ST8SIA4: variants seen among roughly 807,000 people sequenced by gnomAD.
The protein encoded by ST8SIA4 is CMP-N-acetylneuraminate-poly-alpha-2,8-sialyltransferase.
ST8SIA4 carries 15 observed loss-of-function variants against 33.9 expected under a neutral mutation model. The ratio of observed to expected loss-of-function variants is 0.44; its 90% confidence interval spans 0.30 to 0.68. The LOEUF (loss-of-function observed/expected upper bound fraction) is 0.68, where lower values mean the gene tolerates loss of function less well. Among genes scored for constraint, ST8SIA4 ranks in the 30% least tolerant of loss-of-function variants. The probability of loss-of-function intolerance (pLI) is 0.10; values close to 1 mark genes in which losing one functional copy is unlikely to be tolerated. For missense variants in ST8SIA4, 321 were observed against 428.0 expected (o/e 0.75, Z 2.21); for synonymous variants, 171 against 151.2 (o/e 1.13, Z -0.96).
At chr5:100,885,333 T>C (rs1046825148) in intron 3 of ST8SIA4, 54 of 954,928 alleles carry the variant, frequency 5.7e-5, no homozygotes, top group Non-Finnish European at 6.7e-5. Flanking sequence ...TTTGCAGTTT[T>C]ATTTGCTATT....
chr5:100,901,869 T>TAC (rs772063023), intron 1 of ST8SIA4, among the ~76,000 whole-genome samples: 2 of 152,142 alleles, frequency 1.3e-5, no homozygotes, highest in African/African-American at 4.8e-5. Context: ...CACACACACA[T>TAC]ACACACACAC....
rs1057375174 is a variant in ST8SIA4 at position 100,810,948 on chromosome 5, C to G, written c.*899G>C. On this transcript the variant is annotated 3_prime_UTR_variant, in exon 5 of 5. Coordinates refer to ENST00000231461, the MANE Select transcript of ST8SIA4 (RefSeq NM_005668.6). ...ATCCCAGCACTTTGGGAGGCCAAGG[C>G]GGGTGGATCACGAGGTCAGGAGATT... is the stretch of plus-strand genomic sequence containing the variant. The G allele has an allele frequency of 6.6e-6, 1 of 152,252 alleles. No individual in the cohort carries two copies. Among genetic ancestry groups the G allele is most frequent in the East Asian group, 1.9e-4 (1 of 5,178 alleles). The allele number at this position is 152,252 out of a possible 1,614,324, so 9.4% of individuals were successfully genotyped here. A position where few individuals can be genotyped will look rare whatever the true frequency, so the allele number is the denominator to read the frequency against.
At position 100,865,727 on chromosome 5, in the gene ST8SIA4, C is replaced by T. The variant is rs1752047702; in HGVS notation, c.504-9331G>A. 3.3e-5 allele frequency among the ~76,000 whole-genome samples: 5 copies of T among 152,208 alleles called. No homozygotes were observed. The South Asian group carries it at 1.0e-3, about 32-fold the overall frequency. Reference sequence around the variant, plus strand: ...AAGCATCTCAGAGACTTCTCACACTCCCTATTGTATTCCCCATATCTTCTT... The same window carrying T: ...AAGCATCTCAGAGACTTCTCACACTTCCTATTGTATTCCCCATATCTTCTT... On this transcript the variant is annotated intron_variant, in intron 3 of 4. Coordinates refer to ENST00000231461, the MANE Select transcript of ST8SIA4 (RefSeq NM_005668.6).
At chr5:100,858,888 A>G (rs1751874066) in intron 3 of ST8SIA4, among the ~76,000 whole-genome samples, 1 of 152,024 alleles carries the variant, frequency 6.6e-6, no homozygotes, top group African/African-American at 2.4e-5. Flanking sequence ...AAATAACAAG[A>G]CAGAAGACAC....
intron 3 of ST8SIA4, among the ~76,000 whole-genome samples, chr5:100,876,104 T>C (rs1265563949): frequency 6.6e-6 from 1 of 152,026 alleles, no homozygotes; most frequent in African/African-American, 2.4e-5. Flanking sequence ...TATTTAATAA[T>C]ACCAGAAATA....
intron 3 of ST8SIA4, among the ~76,000 whole-genome samples, chr5:100,881,866 A>G (rs541844722): frequency 1.3e-5 from 2 of 152,186 alleles, no homozygotes; most frequent in African/African-American, 4.8e-5. Flanking sequence ...ACCGCCATGT[A>G]AGAAGGGCCT....
chr5:100,871,232 T>C (rs1304055211), intron 3 of ST8SIA4, among the ~76,000 whole-genome samples: 2 of 152,052 alleles, frequency 1.3e-5, no homozygotes, highest in African/African-American at 2.4e-5. Context: ...GTCAAGAAGG[T>C]GATTTAAAGC....
intron 4 of ST8SIA4, among the ~76,000 whole-genome samples, chr5:100,845,931 C>T (rs548218633): frequency 2.0e-5 from 3 of 152,046 alleles, no homozygotes; most frequent in Non-Finnish European, 2.9e-5. Flanking sequence ...ACTGGATGCT[C>T]CCATGCGTCA....
chr5:100,839,485 A>C (rs531286026), intron 4 of ST8SIA4, among the ~76,000 whole-genome samples: 1 of 151,968 alleles, frequency 6.6e-6, no homozygotes, highest in African/African-American at 2.4e-5. Flanking sequence ...CTATTTTAGA[A>C]TTATTTAAAA....
intron 4 of ST8SIA4, among the ~76,000 whole-genome samples, chr5:100,828,832 T>C (rs990377233): frequency 2.6e-5 from 4 of 152,182 alleles, no homozygotes; most frequent in African/African-American, 9.7e-5. Flanking sequence ...AGTTCCGTTT[T>C]TTTTCAAAGG....
intron 4 of ST8SIA4, among the ~76,000 whole-genome samples, chr5:100,842,532 C>T (rs1363399493): frequency 6.6e-6 from 1 of 151,794 alleles, no homozygotes; most frequent in Non-Finnish European, 1.5e-5. Flanking sequence ...ACACTATCCC[C>T]AGTTTTTATT....
intron 4 of ST8SIA4, among the ~76,000 whole-genome samples, chr5:100,824,848 C>T (rs1252427839): frequency 1.3e-5 from 2 of 149,854 alleles, no homozygotes; most frequent in African/African-American, 2.5e-5. Context: ...GTCCTGGAGG[C>T]CAAAGGTGTG....
chr5:100,886,684 C>CA, intron 2 of ST8SIA4, 84 bp from the exon 3 acceptor site: 1 of 1,153,646 alleles, frequency 8.7e-7, no homozygotes, highest in Non-Finnish European at 1.3e-6. Flanking sequence ...TAACTTAAGA[C>CA]AAAATACAAA....
chr5:100,853,784 T>A (rs1751752377), intron 4 of ST8SIA4, among the ~76,000 whole-genome samples: 1 of 152,162 alleles, frequency 6.6e-6, no homozygotes, highest in African/African-American at 2.4e-5. Flanking sequence ...GAAAATGCAC[T>A]ACTGCAGTCA....
chr5:100,839,226 T>C (rs758151684), intron 4 of ST8SIA4, among the ~76,000 whole-genome samples: 4 of 151,976 alleles, frequency 2.6e-5, no homozygotes, highest in Non-Finnish European at 5.9e-5. Context: ...GGTAAATACA[T>C]ATTGCAAGGT....
intron 2 of ST8SIA4, among the ~76,000 whole-genome samples, chr5:100,890,005 G>GGTTT (rs898069769): frequency 5.9e-5 from 9 of 151,706 alleles, no homozygotes; most frequent in Admixed American, 3.3e-4. Context: ...AGTGACTCTG[G>GGTTT]GTTTGTTTGT....
intron 3 of ST8SIA4, among the ~76,000 whole-genome samples, chr5:100,860,968 T>C (rs1341465015): frequency 6.6e-6 from 1 of 152,092 alleles, no homozygotes; most frequent in Non-Finnish European, 1.5e-5. Flanking sequence ...AAATATAATA[T>C]CTATACCTCA....
chr5:100,855,900 T>C (rs767743558), intron 4 of ST8SIA4, among the ~76,000 whole-genome samples: 3 of 152,158 alleles, frequency 2.0e-5, no homozygotes, highest in Non-Finnish European at 4.4e-5. Flanking sequence ...GTTCAACAAT[T>C]TGCTTTTTCA....
At chr5:100,828,000 C>T (rs1253133492) in intron 4 of ST8SIA4, among the ~76,000 whole-genome samples, 1 of 152,192 alleles carries the variant, frequency 6.6e-6, no homozygotes, top group Non-Finnish European at 1.5e-5. Flanking sequence ...ATTTCTATAT[C>T]CACTTAGCTA....
Sources: gnomAD v4.1 joint callset for allele counts (sites outside exome capture counted in the v4.1 genomes callset) on GRCh38, gnomAD v4.1.1 for gene constraint, MANE v1.5 for transcripts, NCBI Gene and HGNC (gene_info 2026-07-23, HGNC 2026-07-21) for gene names.